The following TNK2 variants were observed in gnomAD, a reference collection of about 807,000 sequenced individuals.
TNK2 encodes activated CDC42 kinase 1.
A neutral mutation model predicts 101.8 loss-of-function variants in TNK2; 83 were observed. The ratio of observed to expected loss-of-function variants is 0.82; its 90% CI spans 0.68 to 0.98. TNK2 has a LOEUF of 0.98. Ranked by LOEUF, TNK2 falls within the 50% of genes least tolerant of loss-of-function variation. TNK2 has a pLI of 0.00. For missense variants in TNK2, 1,665 were observed against 1,483.2 expected (o/e 1.12, Z -2.01); for synonymous variants, 804 against 633.0 (o/e 1.27, Z -4.06).
rs371404236 is a variant in TNK2 at position 195,883,187 on chromosome 3, G to A, written c.579C>T (p.Tyr193=). The A allele has an allele frequency of 3.5e-5, 53 of 1,500,430 alleles. 1 individual carries two copies. The highest frequency in any genetic ancestry group is 8.4e-5 in the African/African-American group (6 of 71,008). 92.9% of individuals were successfully genotyped at this position (1,500,430 alleles called of 1,614,324 possible). A position where few individuals can be genotyped will look rare whatever the true frequency, so the allele number is the denominator to read the frequency against. ...SLDHRNLIRL[Y]GVVLTPPMKM... The stretch of plus-strand genomic sequence containing the variant: ...TCATGGGCGGCGTGAGCACCACCCC[G>A]TAGAGGCGGATGAGGTTTCGGTGGT... Residue 193 remains tyrosine (Y), a synonymous_variant, in exon 5 of 16, where the codon TAC becomes TAT. Coordinates refer to ENST00000672887, the MANE Select transcript of TNK2 (RefSeq NM_001382273.1).
chr3:195,885,406 C>A lies in TNK2; in HGVS notation c.235-373G>T. 1 of 1,354,974 alleles carries A rather than the reference C, an allele frequency of 7.4e-7. No individual in the cohort carries two copies. Among genetic ancestry groups the A allele is most frequent in the Non-Finnish European group, 9.7e-7 (1 of 1,032,096 alleles). 83.9% of individuals were successfully genotyped at this position (1,354,974 alleles called of 1,614,324 possible). On this transcript the variant is annotated intron_variant, in intron 3 of 15. Transcript: ENST00000672887. This position sits in a 1 kb window ranked among gnomAD's most constrained non-coding sequence, Gnocchi z 4.7. ...GCACCCGCCACCCCGCAGACTCCAG[C>A]CCTAACCCGCATCGATGGAGCCGCA...
chr3:195,888,605 C>A lies in TNK2; in HGVS notation c.-17G>T. On this transcript the variant is annotated splice_region_variant and 5_prime_UTR_variant, in exon 2 of 16. It adds an upstream start codon to the 5' untranslated region. Transcript: ENST00000672887. This position sits in a 1 kb window ranked among gnomAD's most constrained non-coding sequence, Gnocchi z 5.3. ...TGGCTGCATTCTGCCGCCTCCCAGC[C>A]TCTGTGGGGGGAGGAGTGGCTCAGG... 6.2e-7 allele frequency: 1 copy of A among 1,607,234 alleles called. No homozygotes were observed. Among genetic ancestry groups the A allele is most frequent in the South Asian group, 1.1e-5 (1 of 90,724 alleles).
At position 195,885,695 on chromosome 3, in the gene TNK2, G is replaced by C. The variant is rs549853389; in HGVS notation, c.235-662C>G. 183 of 814,684 alleles carry C rather than the reference G, an allele frequency of 2.2e-4. 1 individual carries two copies. In the African/African-American group the frequency reaches 3.2e-3, roughly 14 times the overall value. 50.5% of individuals were successfully genotyped at this position (814,684 alleles called of 1,614,324 possible). On this transcript the variant is annotated intron_variant, in intron 3 of 15. Transcript: ENST00000672887. The surrounding 1 kb of genome is among the most constrained non-coding windows in gnomAD (Gnocchi z 4.7). Reference sequence around the variant, plus strand: ...GCTGAGGGCTGAGACGGAAGGAAAAGTGGAGGAGACTCGGAGGCCAGGGTG... The same window carrying C: ...GCTGAGGGCTGAGACGGAAGGAAAACTGGAGGAGACTCGGAGGCCAGGGTG...
intron 1 of TNK2, among the ~76,000 whole-genome samples, chr3:195,892,217 G>A (rs1442213325): frequency 1.3e-5 from 2 of 152,278 alleles, no homozygotes; most frequent in East Asian, 1.9e-4. Context: ...CTCTGTGGCC[G>A]GCGTGCAAAC....
Position 195,885,647 on chromosome 3 carries a change from G to A in TNK2, c.235-614C>T. ...TGGGAAGGGGCCTGGGAAGACAGCT[G>A]GGTCTCTGGAGGGGCGCCTAGAGCT... On this transcript the variant is annotated intron_variant, in intron 3 of 15. Transcript: ENST00000672887. This position sits in a 1 kb window ranked among gnomAD's most constrained non-coding sequence, Gnocchi z 4.7. The A allele has an allele frequency of 8.0e-7, 1 of 1,243,766 alleles. No homozygotes were observed. The highest frequency in any genetic ancestry group is 1.1e-6 in the Non-Finnish European group (1 of 947,610). 77.0% of individuals were successfully genotyped at this position (1,243,766 alleles called of 1,614,324 possible). A position where few individuals can be genotyped will look rare whatever the true frequency, so the allele number is the denominator to read the frequency against.
chr3:195,868,152 C>G lies in TNK2; in HGVS notation c.2146G>C (p.Ala716Pro). Residue 716 changes from alanine (A) to proline (P), a missense_variant, in exon 13 of 16, where the codon GCA (alanine) becomes CCA (proline). This residue lies in a region of TNK2 where 1,136 missense variants were observed against 894.9 expected (regional missense o/e 1.27). Transcript: ENST00000672887. ...GCCTGGAAGATCTCTGCGGTCTGTGCGGAGCTGGGCGGCTTGCCCCCACCC... is the reference window on the plus strand; with the variant it reads ...GCCTGGAAGATCTCTGCGGTCTGTGGGGAGCTGGGCGGCTTGCCCCCACCC... Reference protein sequence around the residue: ...PQGGGKPPSSAQTAEIFQALQ... With the variant: ...PQGGGKPPSSPQTAEIFQALQ... 6.2e-7 allele frequency: 1 copy of G among 1,610,862 alleles called. No individual in the cohort carries two copies. The highest frequency in any genetic ancestry group is 8.5e-7 in the Non-Finnish European group (1 of 1,179,178).
chr3:195,878,874 T>TACGGGGCGTGAGAGGAGAC lies in TNK2; in HGVS notation c.1014+156_1014+174dup, dbSNP rs1253046152. ...TGGGCTCTCCCTGAGGCCATACAGATACGGGGCGTGAGAGGAGACACGGGG... is the reference window on the plus strand; with the variant it reads ...TGGGCTCTCCCTGAGGCCATACAGATACGGGGCGTGAGAGGAGACACGGGGCGTGAGAGGAGACACGGGG... On this transcript the variant is annotated intron_variant, in intron 7 of 15. Coordinates refer to ENST00000672887, the MANE Select transcript of TNK2 (RefSeq NM_001382273.1). The surrounding 1 kb of genome is among the most constrained non-coding windows in gnomAD (Gnocchi z 4.7). 1.3e-5 allele frequency among the ~76,000 whole-genome samples: 2 copies of TACGGGGCGTGAGAGGAGAC among 151,930 alleles called. No individual in the cohort carries two copies. Among genetic ancestry groups the TACGGGGCGTGAGAGGAGAC allele is most frequent in the African/African-American group, 2.4e-5 (1 of 41,312 alleles).
At position 195,869,502 on chromosome 3, in the gene TNK2, G is replaced by C. The variant is rs146442175; in HGVS notation, c.1583C>G (p.Thr528Ser). Residue 528 changes from threonine (T) to serine (S), a missense_variant, in exon 12 of 16, where the codon ACT (threonine) becomes AGT (serine). Thr to Ser is a moderately conservative substitution (Grantham distance 58, BLOSUM62 1). Around this residue, in one of 3 missense-constraint regions of TNK2, gnomAD observed 1,136 missense variants for 894.9 expected, o/e 1.27. Transcript: ENST00000672887. Reference sequence around the variant, plus strand: ...TCGGAAGCAGCCCCACTTACTCTGAGTGAAGAAGGCAGGCTGAGGTGGGCG... The same window carrying C: ...TCGGAAGCAGCCCCACTTACTCTGACTGAAGAAGGCAGGCTGAGGTGGGCG... ...PPRPPQPAFF[T>S]QKPTYDPVSE... The C allele has an allele frequency of 1.4e-4, 216 of 1,550,820 alleles. No individual in the cohort carries two copies. Among genetic ancestry groups the C allele is most frequent in the Non-Finnish European group, 1.8e-4 (211 of 1,146,990 alleles).
intron 11 of TNK2, chr3:195,869,745 G>A (rs377353970): frequency 3.2e-6 from 2 of 620,408 alleles, no homozygotes; most frequent in East Asian, 5.5e-5. Flanking sequence ...ATAGGCAGAG[G>A]ACCGGGAGAT....
intron 10 of TNK2, 55 bp downstream of exon 10, chr3:195,872,199 CGCCCACGCGTGCCGTGCTGAGG>C (rs1406029026): frequency 2.7e-6 from 4 of 1,503,042 alleles, no homozygotes; most frequent in Non-Finnish European, 3.6e-6. Context: ...GAGCAGATTC[CGCCCACGCGTGCCGTGCTGAGG>C]GCCCTGGAGT....
chr3:195,883,104 A>G (rs754305593), intron 5 of TNK2, 53 bp downstream of exon 5: 24 of 1,589,544 alleles, frequency 1.5e-5, no homozygotes, highest in Middle Eastern at 4.0e-4. Flanking sequence ...CGAACCACAC[A>G]TATGGGACCG....
At chr3:195,871,566 G>A (rs147576388) in intron 10 of TNK2, among the ~76,000 whole-genome samples, 7 of 152,252 alleles carry the variant, frequency 4.6e-5, no homozygotes, top group African/African-American at 1.4e-4. Flanking sequence ...GGGGGGTCAT[G>A]GGAGAAGCTC....
At chr3:195,889,819 G>A (rs138584671) in intron 1 of TNK2, among the ~76,000 whole-genome samples, 3 of 152,338 alleles carry the variant, frequency 2.0e-5, no homozygotes, top group East Asian at 3.9e-4. Flanking sequence ...AGCTGAGGGC[G>A]TGGCCAGGCT....
chr3:195,870,994 C>T (rs9875284), intron 10 of TNK2, among the ~76,000 whole-genome samples: 65 of 89,356 alleles, frequency 7.3e-4, no homozygotes, highest in South Asian at 2.6e-3. Context: ...GTGTGGGGGC[C>T]CGCTGTGTGG....
At chr3:195,895,927 C>G (rs1449645512) in intron 1 of TNK2, 1 of 163,014 alleles carries the variant, frequency 6.1e-6, no homozygotes, top group African/African-American at 2.4e-5. Flanking sequence ...GCTCAGCCGG[C>G]TCCGCGCCGC....
chr3:195,866,990 C>T lies in TNK2; in HGVS notation c.3060G>A (p.Leu1020=), dbSNP rs768886305. 2 of 1,613,112 alleles carry T rather than the reference C, an allele frequency of 1.2e-6. No individual in the cohort carries two copies. The highest frequency in any genetic ancestry group is 1.3e-5 in the African/African-American group (1 of 74,940). Residue 1020 remains leucine, a synonymous_variant, in exon 15 of 16, where the codon CTG becomes CTA. Transcript: ENST00000672887. ...LKVEQLFGLG[L]RPRGECHKVL... ...CTTTGTGGCACTCCCCTCTGGGCCG[C>T]AGACCCAGCCCGAAGAGCTGCTCCA...
At position 195,878,241 on chromosome 3, in the gene TNK2, T is replaced by G. The variant is rs761180246; in HGVS notation, c.1256+12A>C. The G allele has an allele frequency of 9.3e-6, 15 of 1,613,468 alleles. No homozygotes were observed. The highest frequency in any genetic ancestry group is 1.3e-5 in the Non-Finnish European group (15 of 1,179,582). ...GCGATCCCAGGGCGGGGCCCAGCCC[T>G]GCACTCCCTACCTTCCCTCGATGAC... On this transcript the variant is annotated intron_variant, in intron 9 of 15. Coordinates refer to ENST00000672887, the MANE Select transcript of TNK2 (RefSeq NM_001382273.1). This position sits in a 1 kb window ranked among gnomAD's most constrained non-coding sequence, Gnocchi z 4.7.
chr3:195,867,310 A>G (rs1244740922), intron 13 of TNK2, 46 bp from the exon 14 acceptor site: 2 of 1,610,988 alleles, frequency 1.2e-6, no homozygotes, highest in East Asian at 4.5e-5. Context: ...CCACTGCTCC[A>G]GGCCCCTTGG....
intron 10 of TNK2, 106 bp from the exon 11 acceptor site, chr3:195,870,311 G>A (rs1331768245): frequency 2.6e-6 from 4 of 1,547,750 alleles, no homozygotes; most frequent in East Asian, 2.5e-5. Context: ...GTAGTCTTGG[G>A]TCTGAAGCAC....
Sources: allele counts gnomAD v4.1 joint callset (sites outside exome capture counted in the v4.1 genomes callset), GRCh38; gene constraint gnomAD v4.1.1; regional missense constraint gnomAD v4.1.1; non-coding constraint Gnocchi (gnomAD v3.1); transcripts MANE v1.5; gene names NCBI Gene and HGNC (gene_info 2026-07-23, HGNC 2026-07-21).